The following SGF29 variants were observed in gnomAD, a reference collection of about 807,000 sequenced individuals.
SGF29 encodes the protein SAGA complex associated factor 29.
A neutral mutation model predicts 38.1 loss-of-function variants in SGF29; 15 were observed. The ratio of observed to expected loss-of-function variants is 0.39; its 90% CI spans 0.26 to 0.61. The LOEUF (loss-of-function observed/expected upper bound fraction) is 0.61. Ranked by LOEUF, SGF29 falls within the 20% of genes least tolerant of loss-of-function variation. The pLI is 0.49. For synonymous variants in SGF29, 151 were observed against 160.8 expected (o/e 0.94, Z 0.46); for missense variants, 184 against 394.6 (o/e 0.47, Z 4.52).
At chr16:28,564,658 T>TATATATGC (rs1296854500) in intron 1 of SGF29, among the ~76,000 whole-genome samples, 9 of 80,332 alleles carry the variant, frequency 1.1e-4, no homozygotes, top group Non-Finnish European at 2.4e-4. Flanking sequence ...TATATACGTA[T>TATATATGC]ATATATGCAT....
intron 1 of SGF29, among the ~76,000 whole-genome samples, chr16:28,580,519 A>G (rs1042045593): frequency 6.6e-6 from 1 of 152,154 alleles, no homozygotes; most frequent in African/African-American, 2.4e-5. Flanking sequence ...GTCCAAGTCC[A>G]GTCGCTGCTT....
intron 1 of SGF29, among the ~76,000 whole-genome samples, chr16:28,576,046 C>T (rs1277752372): frequency 6.6e-6 from 1 of 152,138 alleles, no homozygotes; most frequent in Non-Finnish European, 1.5e-5. Context: ...TGGGAATGCA[C>T]ATTGCAGGTG....
chr16:28,584,688 C>T (rs900573803), intron 2 of SGF29, among the ~76,000 whole-genome samples: 13 of 150,806 alleles, frequency 8.6e-5, no homozygotes, highest in Non-Finnish European at 1.8e-4. Context: ...ACTCGGGAGG[C>T]TGAGGCAGGA....
intron 5 of SGF29, chr16:28,589,465 G>C: frequency 2.8e-6 from 1 of 358,380 alleles, no homozygotes; most frequent in African/African-American, 2.1e-5. Flanking sequence ...ATGCCCATCT[G>C]TTGCCCTGGC....
At chr16:28,567,643 C>G (rs921827218) in intron 1 of SGF29, among the ~76,000 whole-genome samples, 2 of 152,102 alleles carry the variant, frequency 1.3e-5, no homozygotes, top group African/African-American at 4.8e-5. Context: ...GGTAAGGGCA[C>G]AGGAGGAGAG....
intron 5 of SGF29, chr16:28,589,505 C>T (rs1474707782): frequency 7.5e-6 from 2 of 268,324 alleles, no homozygotes; most frequent in South Asian, 5.2e-5. Context: ...CGCTGTGTGT[C>T]GTAAAGCCAG....
chr16:28,560,163 G>A (rs1567284337), intron 1 of SGF29, among the ~76,000 whole-genome samples: 1 of 151,982 alleles, frequency 6.6e-6, no homozygotes, highest in Non-Finnish European at 1.5e-5. Context: ...CCCAGGAAGT[G>A]GAGGTTGAGC....
In SGF29 at chr16:28,589,978, C is replaced by T; in HGVS notation, c.290-118C>T. On this transcript the variant is annotated intron_variant, in intron 5 of 9. Coordinates refer to ENST00000317058, the MANE Select transcript of SGF29 (RefSeq NM_138414.3). ...TGGGGTCACAGTCCTGCTGGGCCCT[C>T]GGGCTCACTCGGGAACTGGGGGCTC... 6 of 1,400,952 alleles carry T rather than the reference C, an allele frequency of 4.3e-6. No homozygotes were observed. In the Admixed American group the frequency reaches 8.0e-5, roughly 19 times the overall value. The allele number at this position is 1,400,952 out of a possible 1,614,324, so 86.8% of individuals were successfully genotyped here.
chr16:28,588,534 A>T (rs887059365), intron 4 of SGF29: 1 of 400,328 alleles, frequency 2.5e-6, no homozygotes, highest in African/African-American at 2.2e-5. Flanking sequence ...TTATGTTCTT[A>T]AGACTAAAAG....
intron 1 of SGF29, among the ~76,000 whole-genome samples, chr16:28,554,479 C>T (rs1024214704): frequency 6.6e-6 from 1 of 152,198 alleles, no homozygotes; most frequent in South Asian, 2.1e-4. Flanking sequence ...ATGATTTGCA[C>T]AAAAATTTTG....
intron 1 of SGF29, among the ~76,000 whole-genome samples, chr16:28,564,577 A>G (rs1375618237): frequency 3.8e-5 from 5 of 132,010 alleles, no homozygotes; most frequent in Non-Finnish European, 8.0e-5. Flanking sequence ...GTATATATAT[A>G]CACGTATATA....
intron 1 of SGF29, among the ~76,000 whole-genome samples, chr16:28,576,931 G>A: frequency 6.6e-6 from 1 of 152,176 alleles, no homozygotes; most frequent in Non-Finnish European, 1.5e-5. Flanking sequence ...GAGGCAGGTG[G>A]ATCACCCGAG....
At chr16:28,564,659 ATATATGCATATATATGTATATATATGTG>A in intron 1 of SGF29, among the ~76,000 whole-genome samples, 1 of 85,152 alleles carries the variant, frequency 1.2e-5, no homozygotes, top group Admixed American at 1.5e-4. Flanking sequence ...ATATACGTAT[ATATATGCATATATATGTATATATATGTG>A]TATATATATG....
At chr16:28,570,654 C>T (rs2046859612) in intron 1 of SGF29, among the ~76,000 whole-genome samples, 1 of 151,734 alleles carries the variant, frequency 6.6e-6, no homozygotes, top group African/African-American at 2.4e-5. Flanking sequence ...TCTCGGCTCA[C>T]TGCAACCTCT....
At chr16:28,558,607 A>T (rs980736183) in intron 1 of SGF29, among the ~76,000 whole-genome samples, 7 of 152,252 alleles carry the variant, frequency 4.6e-5, no homozygotes, top group Non-Finnish European at 1.0e-4. Context: ...TAAAAAGCCC[A>T]TGATGGAAAG....
intron 1 of SGF29, among the ~76,000 whole-genome samples, chr16:28,570,467 A>G (rs1264768706): frequency 9.2e-5 from 14 of 152,196 alleles, no homozygotes; most frequent in Non-Finnish European, 1.9e-4. Flanking sequence ...AGGCTCACAG[A>G]TGGTGGGGAA....
intron 4 of SGF29, chr16:28,588,659 G>C (rs1184075698): frequency 4.8e-6 from 2 of 420,986 alleles, no homozygotes; most frequent in Admixed American, 2.8e-5. Flanking sequence ...CTGCCTCCCA[G>C]GTTCAAGCGA....
rs1567285838 is a variant in SGF29 at position 28,564,671 on chromosome 16, A to ATG, written c.-16+10575_-16+10576insGT. Among the ~76,000 whole-genome samples the ATG allele has an allele frequency of 1.7e-3, 163 of 95,154 alleles. 6 individuals are homozygous for ATG. The highest frequency in any genetic ancestry group is 4.5e-3 in the Middle Eastern group (1 of 220). 62.4% of individuals were successfully genotyped at this position (95,154 alleles called of 152,430 possible). ...TATATATACGTATATATATGCATAT[A>ATG]TATGTATATATATGTGTATATATAT... is the stretch of plus-strand genomic sequence containing the variant. On this transcript the variant is annotated intron_variant, in intron 1 of 9. Coordinates refer to ENST00000317058, the MANE Select transcript of SGF29 (RefSeq NM_138414.3).
At position 28,585,675 on chromosome 16, in the gene SGF29, G is replaced by A. The variant is rs757587400; in HGVS notation, c.179G>A (p.Arg60His). 6 of 1,614,140 alleles carry A rather than the reference G, an allele frequency of 3.7e-6. No individual in the cohort carries two copies. The highest frequency in any genetic ancestry group is 1.7e-5 in the Admixed American group (1 of 60,022). The change falls in exon 4 of 10, where the codon CGT becomes CAT. Residue 60 changes from arginine to histidine, a missense_variant. Physicochemically the swap from Arg to His is conservative, Grantham distance 29. Coordinates refer to ENST00000317058, the MANE Select transcript of SGF29 (RefSeq NM_138414.3). ...TCTCCCTATTACCGGACAAAGCTGC[G>A]TGGCCTCTACACAACCGCCAAGGCC... is the stretch of plus-strand genomic sequence containing the variant. ...KISPYYRTKLRGLYTTAKADA... is the reference protein window; with the variant it reads ...KISPYYRTKLHGLYTTAKADA...
Sources: gnomAD v4.1 joint callset for allele counts (sites outside exome capture counted in the v4.1 genomes callset) on GRCh38, gnomAD v4.1.1 for gene constraint, MANE v1.5 for transcripts, NCBI Gene and HGNC (gene_info 2026-07-23, HGNC 2026-07-21) for gene names.